BBS9: variants seen among roughly 807,000 people sequenced by gnomAD.
The protein encoded by BBS9 is Bardet-Biedl syndrome 9.
In BBS9, 89 loss-of-function variants were observed where a neutral mutation model predicts 117.7. The observed-to-expected ratio is 0.76, with a 90% confidence interval of 0.64 to 0.90. The LOEUF is 0.90. Among genes scored for constraint, BBS9 ranks in the 40% least tolerant of loss-of-function variants. The pLI, the probability that BBS9 is intolerant of heterozygous loss-of-function variation, is 0.00. For missense variants in BBS9, 982 were observed against 1,042.2 expected (o/e 0.94, Z 0.80); for synonymous variants, 379 against 370.9 (o/e 1.02, Z -0.25).
At chr7:33,175,817 A>G (rs1336077949) in intron 4 of BBS9, among the ~76,000 whole-genome samples, 2 of 152,236 alleles carry the variant, frequency 1.3e-5, no homozygotes, top group Non-Finnish European at 2.9e-5. Flanking sequence ...GCAGAAATTT[A>G]TTAACATATG....
At chr7:33,246,309 T>C (rs192067963) in intron 5 of BBS9, among the ~76,000 whole-genome samples, 141 of 151,924 alleles carry the variant, frequency 9.3e-4, no homozygotes, top group African/African-American at 2.9e-3. Flanking sequence ...TTTTTTTTTT[T>C]CCACAACATT....
intron 21 of BBS9, among the ~76,000 whole-genome samples, chr7:33,630,664 C>A (rs1431248478): frequency 6.6e-6 from 1 of 152,158 alleles, no homozygotes; most frequent in East Asian, 1.9e-4. Flanking sequence ...TTCAAATTCA[C>A]ACCCTCAGTG....
intron 19 of BBS9, among the ~76,000 whole-genome samples, chr7:33,421,185 T>A (rs1020731778): frequency 7.2e-5 from 11 of 152,236 alleles, no homozygotes; most frequent in Admixed American, 7.2e-4. Context: ...TTTAATTTTT[T>A]TTTTTTTTAC....
intron 20 of BBS9, among the ~76,000 whole-genome samples, chr7:33,518,685 A>G (rs1848175678): frequency 6.6e-6 from 1 of 152,212 alleles, no homozygotes; most frequent in Non-Finnish European, 1.5e-5. Flanking sequence ...ATATTTTTAA[A>G]ATAAATGACT....
At chr7:33,595,255 G>A (rs575869370) in intron 21 of BBS9, among the ~76,000 whole-genome samples, 2 of 152,180 alleles carry the variant, frequency 1.3e-5, no homozygotes, top group South Asian at 2.1e-4. Flanking sequence ...GGAGTAACAG[G>A]CAATGTACAG....
At chr7:33,451,142 C>T (rs1381621780) in intron 19 of BBS9, among the ~76,000 whole-genome samples, 1 of 152,086 alleles carries the variant, frequency 6.6e-6, no homozygotes, top group East Asian at 1.9e-4. Flanking sequence ...CCTGCCTCGG[C>T]CTCCCAAAGT....
At chr7:33,617,285 G>A (rs766417296) in intron 21 of BBS9, among the ~76,000 whole-genome samples, 8 of 152,054 alleles carry the variant, frequency 5.3e-5, no homozygotes, top group Non-Finnish European at 1.0e-4. Context: ...AGAAGGGAAT[G>A]GAGAAGTATA....
At chr7:33,422,425 G>GC (rs1832997415) in intron 19 of BBS9, among the ~76,000 whole-genome samples, 1 of 152,080 alleles carries the variant, frequency 6.6e-6, no homozygotes, top group South Asian at 2.1e-4. Context: ...CTAACTTCTA[G>GC]CCCATTTTTA....
intron 9 of BBS9, among the ~76,000 whole-genome samples, chr7:33,300,944 A>T (rs926923683): frequency 2.0e-5 from 3 of 152,158 alleles, no homozygotes; most frequent in African/African-American, 7.2e-5. Flanking sequence ...TGGGTATAGA[A>T]TTTTAGATTA....
intron 18 of BBS9, among the ~76,000 whole-genome samples, chr7:33,386,182 A>C (rs1407000532): frequency 3.3e-5 from 5 of 152,180 alleles, no homozygotes; most frequent in Admixed American, 3.3e-4. Context: ...CTGAAGGGTA[A>C]ATAAAGACAA....
intron 9 of BBS9, among the ~76,000 whole-genome samples, chr7:33,281,220 G>A (rs1299175397): frequency 6.6e-6 from 1 of 151,352 alleles, no homozygotes; most frequent in Non-Finnish European, 1.5e-5. Context: ...ATTCCTGATA[G>A]CTGTTTTTTT....
chr7:33,366,372 A>G (rs1291923521), intron 16 of BBS9, among the ~76,000 whole-genome samples: 1 of 151,926 alleles, frequency 6.6e-6, no homozygotes, highest in African/African-American at 2.4e-5. Flanking sequence ...GCAGCTTCTT[A>G]CATGGGCCCT....
At chr7:33,542,727 GTGTGTA>G (rs1390892853) in intron 21 of BBS9, among the ~76,000 whole-genome samples, 10 of 114,228 alleles carry the variant, frequency 8.8e-5, no homozygotes, top group African/African-American at 3.0e-4. Context: ...GTGTGTGTGT[GTGTGTA>G]TATGTGTGTG....
intron 19 of BBS9, among the ~76,000 whole-genome samples, chr7:33,500,092 G>A (rs1235448291): frequency 1.3e-5 from 2 of 152,200 alleles, no homozygotes; most frequent in Non-Finnish European, 2.9e-5. Context: ...ATTCTTACAA[G>A]TTATGAACTA....
At position 33,383,787 on chromosome 7, in the gene BBS9, G is replaced by A. The variant is rs138454676; in HGVS notation, c.1911G>A (p.Ser637=). Reference sequence around the variant, plus strand: ...TCAAAGATTTTGCATGTTCTTTTTCGGGATCTATACCCCTTCAAGAATATT... The same window carrying A: ...TCAAAGATTTTGCATGTTCTTTTTCAGGATCTATACCCCTTCAAGAATATT... ...QGVKDFACSF[S]GSIPLQEYFE... Residue 637 remains serine (S), a synonymous_variant, in exon 18 of 23, where the codon TCG becomes TCA. Transcript: ENST00000242067. The A allele has an allele frequency of 1.9e-5, 30 of 1,612,326 alleles. No individual in the cohort carries two copies. The highest frequency in any genetic ancestry group is 1.9e-4 in the Middle Eastern group (1 of 5,290).
intron 16 of BBS9, among the ~76,000 whole-genome samples, chr7:33,362,665 A>G (rs1009452804): frequency 1.3e-5 from 2 of 152,122 alleles, no homozygotes; most frequent in African/African-American, 4.8e-5. Flanking sequence ...ATGACTGTAT[A>G]TTTATAATAA....
intron 10 of BBS9, among the ~76,000 whole-genome samples, chr7:33,339,164 G>A (rs1370431227): frequency 3.3e-5 from 5 of 152,154 alleles, no homozygotes; most frequent in Admixed American, 3.3e-4. Flanking sequence ...CAGTTCCACA[G>A]TCATCAGAGA....
chr7:33,408,713 T>G (rs1484484953), intron 19 of BBS9, among the ~76,000 whole-genome samples: 3 of 152,188 alleles, frequency 2.0e-5, no homozygotes, highest in African/African-American at 7.2e-5. Context: ...TTATTTTCCT[T>G]TGGGTCTGTA....
At chr7:33,632,782 A>G (rs1865956516) in intron 21 of BBS9, among the ~76,000 whole-genome samples, 1 of 152,092 alleles carries the variant, frequency 6.6e-6, no homozygotes, top group Non-Finnish European at 1.5e-5. Flanking sequence ...CACACTACTC[A>G]AACATTCTTA....
Sources: gnomAD v4.1 joint callset for allele counts (sites outside exome capture counted in the v4.1 genomes callset) on GRCh38, gnomAD v4.1.1 for gene constraint, MANE v1.5 for transcripts, NCBI Gene and HGNC (gene_info 2026-07-23, HGNC 2026-07-21) for gene names.